DNAH9: variants seen among roughly 807,000 people sequenced by gnomAD.
The protein encoded by DNAH9 is dynein axonemal heavy chain 9.
Under a neutral mutation model 471.6 loss-of-function variants are expected in DNAH9, and 345 were observed. The observed-to-expected ratio is 0.73, with a 90% CI of 0.67 to 0.80. The LOEUF (loss-of-function observed/expected upper bound fraction) is 0.80, where lower values mean the gene tolerates loss of function less well. Among genes scored for constraint, DNAH9 ranks in the 30% least tolerant of loss-of-function variants. The pLI, the probability that DNAH9 is intolerant of heterozygous loss-of-function variation, is 0.00. For missense variants in DNAH9, 5,407 were observed against 5,609.2 expected, an observed-to-expected ratio of 0.96 and a Z score of 1.15; for synonymous variants, 2,093 against 2,123.6, an observed-to-expected ratio of 0.99 and a Z score of 0.40.
In DNAH9 at chr17:11,883,735, C is replaced by T. The variant is rs754435163; in HGVS notation, c.10956C>T (p.Ala3652=). The change falls in exon 56 of 69, where the codon GCC becomes GCT. Residue 3652 remains alanine (A), a synonymous_variant. Transcript: ENST00000262442. ...TAGAGATCACCAAGCAGACTGCTGC[C>T]GAAGTTGAGAAAAAGGTAAAACTCC... ...ENLEITKQTA[A]EVEKKVQEAK... 10 of 1,613,540 alleles carry T rather than the reference C, an allele frequency of 6.2e-6. No homozygotes were observed. Among genetic ancestry groups the T allele is most frequent in the Admixed American group, 1.7e-5 (1 of 59,906 alleles).
At chr17:11,614,377 G>A (rs1486794559) in intron 4 of DNAH9, among the ~76,000 whole-genome samples, 1 of 152,062 alleles carries the variant, frequency 6.6e-6, no homozygotes, top group Non-Finnish European at 1.5e-5. Context: ...GAGGTTAAAA[G>A]GATGGAGGAA....
chr17:11,672,932 A>G (rs1477015334), intron 17 of DNAH9, among the ~76,000 whole-genome samples: 1 of 152,104 alleles, frequency 6.6e-6, no homozygotes, highest in African/African-American at 2.4e-5. Context: ...ACCCATCAGG[A>G]TTTCCAATTC....
chr17:11,598,878 C>T lies in DNAH9; in HGVS notation c.380C>T (p.Ala127Val), dbSNP rs765965083. 2.6e-6 allele frequency: 4 copies of T among 1,540,870 alleles called. No homozygotes were observed. Among genetic ancestry groups the T allele is most frequent in the East Asian group, 2.5e-5 (1 of 39,494 alleles). The change falls in exon 1 of 69, where the codon GCG becomes GTG. Residue 127 changes from alanine to valine, a missense_variant. Physicochemically the swap from Ala to Val is moderately conservative, Grantham distance 64. Transcript: ENST00000262442. ...GCAGTGGTCTGCGGGGACCTGCCCG[C>T]GGCACCTCTGGAGCACCTAGCCGCG... is the stretch of plus-strand genomic sequence containing the variant. ...RGAVVCGDLPAAPLEHLAALF... is the reference protein window; with the variant it reads ...RGAVVCGDLPVAPLEHLAALF...
At chr17:11,853,320 G>A (rs1386339513) in intron 49 of DNAH9, 1 of 152,432 alleles carries the variant, frequency 6.6e-6, no homozygotes, top group Non-Finnish European at 1.5e-5. Flanking sequence ...TTTATGTACA[G>A]AGTAGCGAGT....
rs146238604 is a variant in DNAH9 at position 11,739,002 on chromosome 17, C to T, written c.5937C>T (p.Arg1979=). 1.1e-5 allele frequency: 17 copies of T among 1,613,904 alleles called. No homozygotes were observed. The highest frequency in any genetic ancestry group is 1.4e-5 in the Non-Finnish European group (17 of 1,179,908). Residue 1979 remains arginine (R), a synonymous_variant, in exon 29 of 69, where the codon CGC becomes CGT. Transcript: ENST00000262442. Reference sequence around the variant, plus strand: ...CCATGAACCCAGGCTATGCTGGCCGCACAGAGCTGCCAGAGAATCTCAAGT... The same window carrying T: ...CCATGAACCCAGGCTATGCTGGCCGTACAGAGCTGCCAGAGAATCTCAAGT... ...FITMNPGYAG[R]TELPENLKSL...
chr17:11,610,638 C>A (rs2072614832), intron 3 of DNAH9, 84 bp downstream of exon 3: 1 of 1,330,956 alleles, frequency 7.5e-7, no homozygotes, highest in South Asian at 1.4e-5. Context: ...GTTAAGCCAC[C>A]ATTGAGCCTA....
chr17:11,660,001 C>A (rs1047291446), intron 14 of DNAH9, among the ~76,000 whole-genome samples: 1 of 152,122 alleles, frequency 6.6e-6, no homozygotes, highest in African/African-American at 2.4e-5. Flanking sequence ...TTTCCTTGGT[C>A]GGTTTTGCTA....
At chr17:11,728,240 T>C (rs2075191432) in intron 28 of DNAH9, among the ~76,000 whole-genome samples, 1 of 152,228 alleles carries the variant, frequency 6.6e-6, no homozygotes, top group Non-Finnish European at 1.5e-5. Context: ...GCTCAGCTCC[T>C]CGGAAAGGCC....
intron 16 of DNAH9, 23 bp from the exon 17 acceptor site, chr17:11,669,347 C>T: frequency 2.5e-6 from 4 of 1,602,498 alleles, no homozygotes; most frequent in Non-Finnish European, 3.4e-6. Flanking sequence ...TGTAACCTGC[C>T]TGCCGTTGTC....
At chr17:11,725,996 G>A (rs923325399) in intron 27 of DNAH9, among the ~76,000 whole-genome samples, 3 of 152,160 alleles carry the variant, frequency 2.0e-5, no homozygotes, top group Admixed American at 2.0e-4. Flanking sequence ...ATCCCTCATA[G>A]TAATTCAAGG....
intron 57 of DNAH9, 119 bp from the exon 58 acceptor site, chr17:11,891,658 C>T (rs1973052923): frequency 2.4e-6 from 3 of 1,245,872 alleles, no homozygotes; most frequent in Admixed American, 4.4e-5. Context: ...AGCCACCGTG[C>T]CTGGCCTTGG....
rs764791480 is a variant in DNAH9, at chr17:11,752,892, A to G, written c.6670A>G (p.Ile2224Val). 2 of 1,609,438 alleles carry G rather than the reference A, an allele frequency of 1.2e-6. No homozygotes were observed. The highest frequency in any genetic ancestry group is 1.7e-6 in the Non-Finnish European group (2 of 1,177,572). ...ANITHDGPKWILLDGDIDPMW... is the reference protein window; with the variant it reads ...ANITHDGPKWVLLDGDIDPMW... ...CATCACCCATGATGGGCCCAAGTGGATTTTACTGGATGGCGACATAGATCC... is the reference window on the plus strand; with the variant it reads ...CATCACCCATGATGGGCCCAAGTGGGTTTTACTGGATGGCGACATAGATCC... The change falls in exon 33 of 69, where the codon ATT (isoleucine) becomes GTT (valine). Residue 2224 changes from isoleucine to valine, a missense_variant. By Grantham distance (29) the Ile-to-Val change is conservative. This residue lies in a region of DNAH9 where 4,636 missense variants were observed against 4,900.3 expected (regional missense o/e 0.95). Transcript: ENST00000262442.
intron 55 of DNAH9, among the ~76,000 whole-genome samples, chr17:11,882,342 A>G (rs143848442): frequency 2.0e-4 from 31 of 152,326 alleles, no homozygotes; most frequent in African/African-American, 7.2e-4. Flanking sequence ...ATATAGTCAC[A>G]TGGGGGAGTT....
At chr17:11,681,326 AG>A (rs772851652) in intron 19 of DNAH9, among the ~76,000 whole-genome samples, 1 of 151,852 alleles carries the variant, frequency 6.6e-6, no homozygotes, top group Non-Finnish European at 1.5e-5. Flanking sequence ...GGTTTTCTTC[AG>A]GGGGTTTCTC....
chr17:11,641,157 G>A (rs936085154), intron 10 of DNAH9, among the ~76,000 whole-genome samples: 3 of 152,058 alleles, frequency 2.0e-5, no homozygotes, highest in African/African-American at 7.2e-5. Flanking sequence ...GAGCCTTAGA[G>A]ACCCTCTGGT....
At chr17:11,714,672 AT>A (rs2074929113) in intron 26 of DNAH9, among the ~76,000 whole-genome samples, 1 of 152,202 alleles carries the variant, frequency 6.6e-6, no homozygotes, top group Admixed American at 6.5e-5. Context: ...TAATATAATT[AT>A]ATAAGCCCTT....
At chr17:11,744,744 C>T in intron 30 of DNAH9, 53 bp from the exon 31 acceptor site, 1 of 1,508,360 alleles carries the variant, frequency 6.6e-7, no homozygotes, top group Non-Finnish European at 9.1e-7. Flanking sequence ...AGACACTCAC[C>T]CCAGCACATG....
intron 61 of DNAH9, among the ~76,000 whole-genome samples, chr17:11,911,377 A>G (rs62061966): frequency 0.18 from 27,212 of 152,176 alleles, 2,686 homozygotes; most frequent in African/African-American, 0.26. Flanking sequence ...TATTTATATC[A>G]CATTGATCTA....
At chr17:11,660,795 A>C (rs1380096325) in intron 14 of DNAH9, among the ~76,000 whole-genome samples, 1 of 152,208 alleles carries the variant, frequency 6.6e-6, no homozygotes, top group Non-Finnish European at 1.5e-5. Flanking sequence ...GACTTGTTTC[A>C]TGACCCAGAA....
Sources: allele counts gnomAD v4.1 joint callset (sites outside exome capture counted in the v4.1 genomes callset), GRCh38; gene constraint gnomAD v4.1.1; regional missense constraint gnomAD v4.1.1; transcripts MANE v1.5; gene names NCBI Gene and HGNC (gene_info 2026-07-23, HGNC 2026-07-21).